The following ATP8B4 variants were observed in gnomAD, a reference collection of about 807,000 sequenced individuals.
ATP8B4 encodes the protein ATPase phospholipid transporting 8B4 (putative), also known as probable phospholipid-transporting ATPase IM.
A neutral mutation model predicts 145.6 loss-of-function variants in ATP8B4; 133 were observed. The ratio of observed to expected loss-of-function variants is 0.91; its 90% CI spans 0.79 to 1.05. ATP8B4 has a LOEUF of 1.05. Ranked by LOEUF, ATP8B4 falls within the 50% of genes least tolerant of loss-of-function variation. The pLI is 0.00. For missense variants in ATP8B4, 1,458 were observed against 1,425.2 expected, an observed-to-expected ratio of 1.02 and a Z score of -0.37; for synonymous variants, 507 against 492.9, an observed-to-expected ratio of 1.03 and a Z score of -0.38.
intron 12 of ATP8B4, among the ~76,000 whole-genome samples, chr15:49,978,171 CAT>C (rs2045836669): frequency 6.6e-6 from 1 of 152,166 alleles, no homozygotes; most frequent in African/African-American, 2.4e-5. Flanking sequence ...TGAAACTGCA[CAT>C]GTGCAGATGG....
intron 2 of ATP8B4, among the ~76,000 whole-genome samples, chr15:50,096,544 G>A (rs952724926): frequency 3.3e-5 from 5 of 151,928 alleles, no homozygotes; most frequent in South Asian, 4.2e-4. Context: ...TATCCTGTCC[G>A]AGAAAAAAAA....
chr15:50,133,455 T>C (rs1056443808), intron 1 of ATP8B4, among the ~76,000 whole-genome samples: 4 of 151,488 alleles, frequency 2.6e-5, no homozygotes, highest in Non-Finnish European at 4.4e-5. Flanking sequence ...CGTGGTGGCA[T>C]GTGCCTGTAG....
intron 1 of ATP8B4, among the ~76,000 whole-genome samples, chr15:50,179,086 G>A (rs1284491859): frequency 6.6e-6 from 1 of 152,116 alleles, no homozygotes; most frequent in Non-Finnish European, 1.5e-5. Context: ...GGCATTTTTA[G>A]GAGTGTGCAG....
At chr15:49,934,267 A>G (rs1401701879) in intron 14 of ATP8B4, 85 bp from the exon 15 acceptor site, 5 of 1,431,532 alleles carry the variant, frequency 3.5e-6, no homozygotes, top group Non-Finnish European at 2.8e-6. Flanking sequence ...TCCCCCAAGT[A>G]TTTTTAGTGT....
chr15:49,917,740 GAATA>G (rs1331133380), intron 19 of ATP8B4, among the ~76,000 whole-genome samples: 1 of 152,088 alleles, frequency 6.6e-6, no homozygotes, highest in Non-Finnish European at 1.5e-5. Flanking sequence ...TAACTGTATA[GAATA>G]ATTAGACTCT....
At chr15:50,150,058 G>A (rs967459590) in intron 1 of ATP8B4, among the ~76,000 whole-genome samples, 19 of 151,620 alleles carry the variant, frequency 1.3e-4, no homozygotes, top group Non-Finnish European at 2.2e-4. Flanking sequence ...CCAAGATCAC[G>A]CCACTGCACT....
intron 3 of ATP8B4, among the ~76,000 whole-genome samples, chr15:50,048,053 T>C (rs1048094446): frequency 6.6e-6 from 1 of 152,122 alleles, no homozygotes; most frequent in African/African-American, 2.4e-5. Context: ...TTATTTTAGG[T>C]TCAGGAGCAT....
intron 1 of ATP8B4, among the ~76,000 whole-genome samples, chr15:50,159,392 T>C (rs1161304551): frequency 6.6e-6 from 1 of 152,252 alleles, no homozygotes; most frequent in Non-Finnish European, 1.5e-5. Flanking sequence ...AATCGTTTTT[T>C]AGCCGAGTCT....
chr15:50,047,453 G>A lies in ATP8B4; in HGVS notation c.99C>T (p.Ile33=). The change falls in exon 4 of 28, where the codon ATC becomes ATT. Residue 33 remains isoleucine, a synonymous_variant. Coordinates refer to ENST00000284509, the MANE Select transcript of ATP8B4 (RefSeq NM_024837.4). The part of the protein sequence containing the change: ...NEKFQYADNR[I]HTSKYNILTF... ...TGAGAATATTATATTTCGATGTGTG[G>A]ATACGATTATCCTGGAAAAGAAATA... 6.4e-7 allele frequency: 1 copy of A among 1,561,368 alleles called. No individual in the cohort carries two copies. The highest frequency in any genetic ancestry group is 1.1e-5 in the South Asian group (1 of 89,952).
At chr15:50,150,084 G>C (rs1392942351) in intron 1 of ATP8B4, among the ~76,000 whole-genome samples, 1 of 151,414 alleles carries the variant, frequency 6.6e-6, no homozygotes, top group East Asian at 1.9e-4. Context: ...CTGGGTGACA[G>C]AGCAAGACTC....
chr15:49,884,365 T>C (rs1172802788), intron 23 of ATP8B4, among the ~76,000 whole-genome samples: 14 of 151,648 alleles, frequency 9.2e-5, no homozygotes, highest in Admixed American at 9.2e-4. Flanking sequence ...ACTTTGGGGG[T>C]CGAGGCTAGT....
chr15:50,053,874 TA>T (rs1487371174), intron 3 of ATP8B4, among the ~76,000 whole-genome samples: 2 of 152,160 alleles, frequency 1.3e-5, no homozygotes, highest in African/African-American at 4.8e-5. Flanking sequence ...ATTGCTTAAG[TA>T]AACAAAGCAA....
intron 2 of ATP8B4, among the ~76,000 whole-genome samples, chr15:50,102,061 A>C (rs2056390548): frequency 6.6e-6 from 1 of 152,188 alleles, no homozygotes; most frequent in African/African-American, 2.4e-5. Context: ...TAGTGACACA[A>C]CCTAACAAAA....
chr15:50,178,586 C>T (rs1384179117), intron 1 of ATP8B4, among the ~76,000 whole-genome samples: 1 of 152,142 alleles, frequency 6.6e-6, no homozygotes, highest in Non-Finnish European at 1.5e-5. Flanking sequence ...CAGTCTTGAA[C>T]TCCTGGCCTC....
At chr15:49,971,778 C>T (rs2045158066) in intron 13 of ATP8B4, among the ~76,000 whole-genome samples, 1 of 152,156 alleles carries the variant, frequency 6.6e-6, no homozygotes, top group African/African-American at 2.4e-5. Flanking sequence ...TGGGTATATA[C>T]CCAAAGGATT....
At chr15:49,965,661 G>T (rs987728601) in intron 13 of ATP8B4, among the ~76,000 whole-genome samples, 1 of 152,166 alleles carries the variant, frequency 6.6e-6, no homozygotes, top group Non-Finnish European at 1.5e-5. Flanking sequence ...TAAATGAATA[G>T]TAGATTCCCA....
At chr15:50,020,375 T>C (rs1477788897) in intron 6 of ATP8B4, among the ~76,000 whole-genome samples, 1 of 151,274 alleles carries the variant, frequency 6.6e-6, no homozygotes, top group Non-Finnish European at 1.5e-5. Flanking sequence ...GTTCAAGCAG[T>C]TGTCCTGCCT....
At chr15:49,868,575 G>GA (rs2033180754) in intron 25 of ATP8B4, among the ~76,000 whole-genome samples, 1 of 152,034 alleles carries the variant, frequency 6.6e-6, no homozygotes, top group African/African-American at 2.4e-5. Flanking sequence ...TATTAATTTG[G>GA]AAAAAAATGG....
At chr15:50,029,645 C>A (rs79821124) in intron 6 of ATP8B4, among the ~76,000 whole-genome samples, 3 of 152,048 alleles carry the variant, frequency 2.0e-5, no homozygotes, top group Non-Finnish European at 2.9e-5. Context: ...ACTATTCAAC[C>A]ATGACAGTAG....
Sources: allele counts gnomAD v4.1 joint callset (sites outside exome capture counted in the v4.1 genomes callset), GRCh38; gene constraint gnomAD v4.1.1; transcripts MANE v1.5; gene names NCBI Gene and HGNC (gene_info 2026-07-23, HGNC 2026-07-21).